TRAPPC9: variants seen among roughly 807,000 people sequenced by gnomAD.
TRAPPC9 encodes the protein IKK2 binding protein.
Under a neutral mutation model 124.0 loss-of-function variants are expected in TRAPPC9, and 83 were observed. That is an observed-to-expected ratio of 0.67 (90% confidence interval 0.56 to 0.80). TRAPPC9 has a LOEUF of 0.80. Ranked by LOEUF, TRAPPC9 falls within the 30% of genes least tolerant of loss-of-function variation. The probability of loss-of-function intolerance (pLI) is 0.00; values close to 1 mark genes in which losing one functional copy is unlikely to be tolerated. For synonymous variants in TRAPPC9, 638 were observed against 617.5 expected, an observed-to-expected ratio of 1.03 and a Z score of -0.49; for missense variants, 1,302 against 1,508.3, an observed-to-expected ratio of 0.86 and a Z score of 2.27.
chr8:139,932,658 G>A, intron 19 of TRAPPC9: 1 of 390,236 alleles, frequency 2.6e-6, no homozygotes, highest in Non-Finnish European at 5.1e-6. Flanking sequence ...CAGCTACGTG[G>A]GAGGCTGAGG....
intron 9 of TRAPPC9, among the ~76,000 whole-genome samples, chr8:140,338,582 A>G (rs1327811168): frequency 2.0e-5 from 3 of 152,208 alleles, no homozygotes; most frequent in African/African-American, 7.2e-5. Flanking sequence ...GAGATAATGG[A>G]GGTAAAATGA....
intron 15 of TRAPPC9, among the ~76,000 whole-genome samples, chr8:140,254,670 G>A (rs1440656132): frequency 6.6e-6 from 1 of 152,240 alleles, no homozygotes; most frequent in Non-Finnish European, 1.5e-5. Flanking sequence ...CAGCCTAGGA[G>A]GCAGGAGCGA....
intron 20 of TRAPPC9, among the ~76,000 whole-genome samples, chr8:139,895,504 G>A (rs371263959): frequency 6.6e-6 from 1 of 152,224 alleles, no homozygotes; most frequent in African/African-American, 2.4e-5. Context: ...GAAAAGGGAA[G>A]ATGGGAATGT....
intron 17 of TRAPPC9, among the ~76,000 whole-genome samples, chr8:140,061,584 C>A (rs1842622226): frequency 6.6e-6 from 1 of 152,178 alleles, no homozygotes; most frequent in Non-Finnish European, 1.5e-5. Flanking sequence ...CCAGCCCCAG[C>A]AGTCTAGGAG....
rs556229570 is a variant in TRAPPC9 at position 140,075,659 on chromosome 8, G to A, written c.2557-51580C>T. Among the ~76,000 whole-genome samples, 4 of 152,296 alleles carry A rather than the reference G, an allele frequency of 2.6e-5. No individual in the cohort carries two copies. In the East Asian group the frequency reaches 5.8e-4, roughly 22 times the overall value. ...ATATGCACGTCAGTAAAGTGAGCACGGCACAGCATCATCCCCCTTCTTTCC... is the reference window on the plus strand; with the variant it reads ...ATATGCACGTCAGTAAAGTGAGCACAGCACAGCATCATCCCCCTTCTTTCC... On this transcript the variant is annotated intron_variant, in intron 17 of 22. Transcript: ENST00000438773.
At chr8:140,004,693 A>G (rs1162483792) in intron 18 of TRAPPC9, among the ~76,000 whole-genome samples, 4 of 152,160 alleles carry the variant, frequency 2.6e-5, no homozygotes, top group East Asian at 1.9e-4. Context: ...CAATGACTCA[A>G]TATCGACTCA....
At chr8:140,096,105 T>C (rs4289794) in intron 17 of TRAPPC9, 96,114 of 152,088 alleles carry the variant, frequency 0.63, 30,772 homozygotes, top group East Asian at 0.88. Context: ...ATATGACTGC[T>C]CATTACCAGA....
At chr8:139,917,880 C>A (rs76323144) in intron 19 of TRAPPC9, among the ~76,000 whole-genome samples, 1 of 152,150 alleles carries the variant, frequency 6.6e-6, no homozygotes, top group African/African-American at 2.4e-5. Context: ...TAATACTGCT[C>A]GTTGTTAACA....
chr8:140,156,107 C>T (rs563095242), intron 17 of TRAPPC9, among the ~76,000 whole-genome samples: 2 of 152,280 alleles, frequency 1.3e-5, no homozygotes, highest in South Asian at 2.1e-4. Flanking sequence ...GGGTAACATT[C>T]GATGCAGACA....
chr8:140,101,589 C>T (rs573093320), intron 17 of TRAPPC9, among the ~76,000 whole-genome samples: 120 of 119,306 alleles, frequency 1.0e-3, no homozygotes, highest in African/African-American at 3.9e-3. Context: ...GTCACCCAGG[C>T]TGGAGTGCAA....
intron 21 of TRAPPC9, among the ~76,000 whole-genome samples, chr8:139,794,796 T>C (rs1822932035): frequency 6.6e-6 from 1 of 152,304 alleles, no homozygotes; most frequent in Non-Finnish European, 1.5e-5. Flanking sequence ...AATCCAACCA[T>C]ACAAGCCAGC....
rs1447568247 is a variant in TRAPPC9 at position 139,728,872 on chromosome 8, C to G, written c.*2189G>C. Among the ~76,000 whole-genome samples, 1 of 152,178 alleles carries G rather than the reference C, an allele frequency of 6.6e-6. No individual in the cohort carries two copies. Among genetic ancestry groups the G allele is most frequent in the Non-Finnish European group, 1.5e-5 (1 of 68,036 alleles). On this transcript the variant is annotated 3_prime_UTR_variant, in exon 23 of 23. Transcript: ENST00000438773. ...TGGTAACTGTTGTGGGTATTTTTTGCAGTTTGGGAAACTAAAAAATATAGA... is the reference window on the plus strand; with the variant it reads ...TGGTAACTGTTGTGGGTATTTTTTGGAGTTTGGGAAACTAAAAAATATAGA...
intron 5 of TRAPPC9, among the ~76,000 whole-genome samples, chr8:140,410,051 G>A (rs1015014819): frequency 2.0e-5 from 3 of 150,156 alleles, no homozygotes; most frequent in Non-Finnish European, 4.4e-5. Flanking sequence ...TGAGGCAGGA[G>A]GACTGCTTGA....
rs1477660130 is a variant in TRAPPC9, at chr8:140,182,306, A to G, written c.2556+39153T>C. Among the ~76,000 whole-genome samples, 2 of 151,620 alleles carry G rather than the reference A, an allele frequency of 1.3e-5. No individual in the cohort carries two copies. The highest frequency in any genetic ancestry group is 4.9e-5 in the African/African-American group (2 of 41,228). Reference sequence around the variant, plus strand: ...TTTCCCTAAGACCTTGGTCTATTCAACTGTTTTCTACATATTTCAACTAAA... The same window carrying G: ...TTTCCCTAAGACCTTGGTCTATTCAGCTGTTTTCTACATATTTCAACTAAA... On this transcript the variant is annotated intron_variant, in intron 17 of 22. Coordinates refer to ENST00000438773, the MANE Select transcript of TRAPPC9 (RefSeq NM_001160372.4). The surrounding 1 kb of genome is among the most constrained non-coding windows in gnomAD (Gnocchi z 4.0).
intron 17 of TRAPPC9, among the ~76,000 whole-genome samples, chr8:140,220,172 G>A (rs114398881): frequency 2.6e-5 from 4 of 152,204 alleles, no homozygotes; most frequent in African/African-American, 7.2e-5. Context: ...ACAGCAACAC[G>A]CAGCGCCAGG....
intron 5 of TRAPPC9, 132 bp from the exon 6 acceptor site, chr8:140,405,830 T>C: frequency 1.0e-6 from 1 of 982,930 alleles, no homozygotes; most frequent in South Asian, 1.5e-5. Flanking sequence ...TGTTTAGTCT[T>C]CACAGCTTAT....
At chr8:140,266,791 C>A (rs1009428313) in intron 15 of TRAPPC9, among the ~76,000 whole-genome samples, 2 of 149,300 alleles carry the variant, frequency 1.3e-5, no homozygotes, top group Non-Finnish European at 3.0e-5. Context: ...ACCCGGGAGG[C>A]GGAGCTTGCA....
chr8:140,319,559 C>T (rs1274653997), intron 9 of TRAPPC9, among the ~76,000 whole-genome samples: 3 of 152,100 alleles, frequency 2.0e-5, no homozygotes, highest in Non-Finnish European at 2.9e-5. Context: ...CTCCACCTCC[C>T]AGGCTCAAGC....
At chr8:140,244,426 T>C (rs561217285) in intron 16 of TRAPPC9, among the ~76,000 whole-genome samples, 7 of 152,250 alleles carry the variant, frequency 4.6e-5, no homozygotes, top group Non-Finnish European at 8.8e-5. Context: ...GCAGGGAAAG[T>C]TGACATTTCT....
Sources: gnomAD v4.1 joint callset for allele counts (sites outside exome capture counted in the v4.1 genomes callset) on GRCh38, gnomAD v4.1.1 for gene constraint, Gnocchi (gnomAD v3.1) non-coding constraint, MANE v1.5 for transcripts, NCBI Gene and HGNC (gene_info 2026-07-23, HGNC 2026-07-21) for gene names.